Variants in B9D2 observed in about 807,000 individuals in gnomAD.
B9D2 encodes the protein B9 domain-containing protein 2.
B9D2 carries 21 observed loss-of-function variants against 19.2 expected under a neutral mutation model. The ratio of observed to expected loss-of-function variants is 1.09; its 90% CI spans 0.78 to 1.58. B9D2 has a LOEUF of 1.58. B9D2 is among the 40% of genes most tolerant of loss of function. The probability of loss-of-function intolerance (pLI) is 0.00; values close to 1 mark genes in which losing one functional copy is unlikely to be tolerated. For synonymous variants in B9D2, 91 were observed against 100.6 expected, an observed-to-expected ratio of 0.90 and a Z score of 0.57; for missense variants, 221 against 244.3, an observed-to-expected ratio of 0.90 and a Z score of 0.64.
At chr19:41,359,053 G>A (rs917704942) in intron 2 of B9D2, among the ~76,000 whole-genome samples, 3 of 152,106 alleles carry the variant, frequency 2.0e-5, no homozygotes, top group Non-Finnish European at 4.4e-5. Context: ...GCTGAGGCAC[G>A]AGAATCGCTG....
rs1487082103 is a variant in B9D2 at position 41,354,927 on chromosome 19, T to G, written c.301A>C (p.Ser101Arg). 5.6e-6 allele frequency: 9 copies of G among 1,613,296 alleles called. No homozygotes were observed. The South Asian group carries it at 9.9e-5, about 18-fold the overall frequency. The change falls in exon 4 of 4, where the codon AGT (serine) becomes CGT (arginine). Residue 101 changes from serine to arginine, a missense_variant. Coordinates refer to ENST00000243578, the MANE Select transcript of B9D2 (RefSeq NM_030578.4). ...GCCAGCTGGTGGGTGCCCGGGCTAC[T>G]GGGCACATGGCAAAATCCATAGCCT... ...LAGYGFCHVP[S>R]SPGTHQLACP...
chr19:41,356,722 G>A (rs939803928), intron 3 of B9D2, among the ~76,000 whole-genome samples: 4 of 151,650 alleles, frequency 2.6e-5, no homozygotes, highest in East Asian at 1.9e-4. Context: ...GTGGTGGCAC[G>A]TGGCTGTAGT....
intron 2 of B9D2, among the ~76,000 whole-genome samples, chr19:41,361,513 C>T (rs540173135): frequency 6.6e-6 from 1 of 152,064 alleles, no homozygotes; most frequent in African/African-American, 2.4e-5. Context: ...AGGGGCCAGG[C>T]GCAGTGGCTC....
At chr19:41,359,499 G>A (rs993712257) in intron 2 of B9D2, among the ~76,000 whole-genome samples, 5 of 151,920 alleles carry the variant, frequency 3.3e-5, no homozygotes, top group Admixed American at 6.6e-5. Context: ...TCAAGAGATC[G>A]AGACCATCCT....
intron 3 of B9D2, among the ~76,000 whole-genome samples, chr19:41,356,669 C>T (rs1385680289): frequency 3.3e-5 from 5 of 150,674 alleles, no homozygotes; most frequent in African/African-American, 9.8e-5. Context: ...CTTGGTGAAA[C>T]GCCATCTCTA....
intron 2 of B9D2, among the ~76,000 whole-genome samples, chr19:41,360,012 T>C (rs1215118784): frequency 6.6e-6 from 1 of 152,168 alleles, no homozygotes; most frequent in African/African-American, 2.4e-5. Flanking sequence ...TGCTCCTGGG[T>C]GTCCCCATCC....
intron 3 of B9D2, among the ~76,000 whole-genome samples, chr19:41,357,138 A>C (rs1264412645): frequency 1.3e-5 from 2 of 152,112 alleles, no homozygotes; most frequent in South Asian, 2.1e-4. Context: ...CCCCTCCTCC[A>C]GGAAGCCCTC....
chr19:41,358,128 C>T (rs1014515394), intron 2 of B9D2, 106 bp from the exon 3 acceptor site: 42 of 1,507,384 alleles, frequency 2.8e-5, no homozygotes, highest in East Asian at 1.2e-4. Flanking sequence ...GTAGGGGTTA[C>T]GAAGCATGGA....
At position 41,359,635 on chromosome 19, in the gene B9D2, G is replaced by A. The variant is rs140339965; in HGVS notation, c.89-1613C>T. Among the ~76,000 whole-genome samples the A allele has an allele frequency of 5.1e-4, 78 of 151,956 alleles. No homozygotes were observed. The East Asian group carries it at 0.014, about 26-fold the overall frequency. On this transcript the variant is annotated intron_variant, in intron 2 of 3. Coordinates refer to ENST00000243578, the MANE Select transcript of B9D2 (RefSeq NM_030578.4). Reference sequence around the variant, plus strand: ...GGAGAATCACTTGAACCCAGGAGGCGGAGGTTGCAGTGAGCCAAGATGGTC... The same window carrying A: ...GGAGAATCACTTGAACCCAGGAGGCAGAGGTTGCAGTGAGCCAAGATGGTC...
At position 41,357,906 on chromosome 19, in the gene B9D2, C is replaced by G; in HGVS notation, c.205G>C (p.Gly69Arg). ...HPIDLHFATK[G>R]LQGWPRLHFQ... ...CAGGTGTGATACCCACCTTGAAGACCTTTGGTGGCGAAGTGCAGGTCGATG... is the reference window on the plus strand; with the variant it reads ...CAGGTGTGATACCCACCTTGAAGACGTTTGGTGGCGAAGTGCAGGTCGATG... The change falls in exon 3 of 4, where the codon GGT becomes CGT. Residue 69 changes from glycine to arginine, a missense_variant. Physicochemically the swap from Gly to Arg is moderately radical, Grantham distance 125 (BLOSUM62 -2). Coordinates refer to ENST00000243578, the MANE Select transcript of B9D2 (RefSeq NM_030578.4). 1 of 1,614,150 alleles carries G rather than the reference C, an allele frequency of 6.2e-7. No homozygotes were observed. Among genetic ancestry groups the G allele is most frequent in the African/African-American group, 1.3e-5 (1 of 75,046 alleles).
At chr19:41,357,783 G>A (rs577400270) in intron 3 of B9D2, 114 bp downstream of exon 3, 3 of 1,483,344 alleles carry the variant, frequency 2.0e-6, no homozygotes, top group South Asian at 2.3e-5. Flanking sequence ...CTGCAAAAGG[G>A]ACCTACGTGG....
At position 41,363,489 on chromosome 19, in the gene B9D2, T is replaced by C; in HGVS notation, c.31A>G (p.Ile11Val). Residue 11 changes from isoleucine (I) to valine (V), a missense_variant, in exon 2 of 4, where the codon ATA (isoleucine) becomes GTA (valine). Physicochemically the swap from Ile to Val is conservative, Grantham distance 29 (BLOSUM62 3). Transcript: ENST00000243578. The part of the protein sequence containing the change: MAEVHVIGQI[I>V]GASGFSESSL... ...CTTTCCGAGAAACCGCTGGCCCCTATGATCTGCCCGATCACGTGCACCTCA... is the reference window on the plus strand; with the variant it reads ...CTTTCCGAGAAACCGCTGGCCCCTACGATCTGCCCGATCACGTGCACCTCA... The C allele has an allele frequency of 6.2e-7, 1 of 1,614,052 alleles. No individual in the cohort carries two copies.
At chr19:41,355,171 C>A (rs1490659226) in intron 3 of B9D2, among the ~76,000 whole-genome samples, 158 bp from the exon 4 acceptor site, 2 of 152,186 alleles carry the variant, frequency 1.3e-5, no homozygotes, top group Non-Finnish European at 2.9e-5. Flanking sequence ...TCTAGGCTCC[C>A]ACCGTCTTAT....
rs1311558612 is a variant in B9D2, at chr19:41,354,573, G to A, written c.*127C>T. On this transcript the variant is annotated 3_prime_UTR_variant, in exon 4 of 4. Transcript: ENST00000243578. Reference sequence around the variant, plus strand: ...CCGAGGTCCTAGAAAGGACAGAAGCGGTGCCATGCCTTAGCTGGGGTCAGC... The same window carrying A: ...CCGAGGTCCTAGAAAGGACAGAAGCAGTGCCATGCCTTAGCTGGGGTCAGC... 2.9e-5 allele frequency: 36 copies of A among 1,260,958 alleles called. No homozygotes were observed. The highest frequency in any genetic ancestry group is 3.8e-5 in the Admixed American group (2 of 51,954). The allele number at this position is 1,260,958 out of a possible 1,614,324, so 78.1% of individuals were successfully genotyped here.
intron 2 of B9D2, 79 bp downstream of exon 2, chr19:41,363,353 G>A (rs1030972857): frequency 7.1e-7 from 1 of 1,412,962 alleles, no homozygotes; most frequent in Non-Finnish European, 1.0e-6. Flanking sequence ...AAGAGTCTGC[G>A]TTAAGGGGTG....
Position 41,354,816 on chromosome 19 carries a change from C to A in B9D2, c.412G>T (p.Asp138Tyr), listed in dbSNP as rs1039729479. ...CGGTCGGCCCCACTGTAGATGGTGTCCCCATGCAGCAGCTGCGGCCCACCA... is the reference window on the plus strand; with the variant it reads ...CGGTCGGCCCCACTGTAGATGGTGTACCCATGCAGCAGCTGCGGCCCACCA... Reference protein sequence around the residue: ...VGGGPQLLHGDTIYSGADRYR... With the variant: ...VGGGPQLLHGYTIYSGADRYR... The change falls in exon 4 of 4, where the codon GAC (aspartate) becomes TAC (tyrosine). Residue 138 changes from aspartate to tyrosine, a missense_variant. Transcript: ENST00000243578. The A allele has an allele frequency of 3.1e-6, 5 of 1,614,050 alleles. No homozygotes were observed. The highest frequency in any genetic ancestry group is 2.5e-6 in the Non-Finnish European group (3 of 1,180,024).
intron 2 of B9D2, 146 bp downstream of exon 2, chr19:41,363,286 C>G (rs2038443330): frequency 1.3e-6 from 1 of 797,886 alleles, no homozygotes; most frequent in African/African-American, 1.7e-5. Flanking sequence ...GCTTGAGACT[C>G]ATGTGGACAG....
intron 3 of B9D2, 146 bp from the exon 4 acceptor site, chr19:41,355,159 T>C (rs2038292930): frequency 1.2e-6 from 1 of 822,640 alleles, no homozygotes; most frequent in Non-Finnish European, 1.8e-6. Flanking sequence ...CCCAGCCTCC[T>C]TTCTAGGCTC....
Position 41,354,795 on chromosome 19 carries a change from C to T in B9D2, c.433G>A (p.Asp145Asn), listed in dbSNP as rs1331156510. Residue 145 changes from aspartate to asparagine, a missense_variant, in exon 4 of 4, where the codon GAC (aspartate) becomes AAC (asparagine). By Grantham distance (23) the Asp-to-Asn change is conservative. Coordinates refer to ENST00000243578, the MANE Select transcript of B9D2 (RefSeq NM_030578.4). ...GCAGCTGTGTGCAGGCGATAGCGGT[C>T]GGCCCCACTGTAGATGGTGTCCCCA... ...LHGDTIYSGA[D>N]RYRLHTAAGG... 4 of 1,613,896 alleles carry T rather than the reference C, an allele frequency of 2.5e-6. No homozygotes were observed. The highest frequency in any genetic ancestry group is 4.5e-5 in the East Asian group (2 of 44,898).
Sources: gnomAD v4.1 joint callset for allele counts (sites outside exome capture counted in the v4.1 genomes callset) on GRCh38, gnomAD v4.1.1 for gene constraint, MANE v1.5 for transcripts, NCBI Gene and HGNC (gene_info 2026-07-23, HGNC 2026-07-21) for gene names.